Variants in MOB3B observed in about 807,000 individuals in gnomAD.
MOB3B encodes MOB kinase activator-like 2B.
Under a neutral mutation model 18.7 loss-of-function variants are expected in MOB3B, and 7 were observed. That is an observed-to-expected ratio of 0.37 (90% CI 0.21 to 0.70). The LOEUF (loss-of-function observed/expected upper bound fraction) is 0.70, where lower values mean the gene tolerates loss of function less well. Among genes scored for constraint, MOB3B ranks in the 30% least tolerant of loss-of-function variants. MOB3B has a pLI of 0.52. For missense variants in MOB3B, 253 were observed against 281.3 expected (o/e 0.90, Z 0.72); for synonymous variants, 111 against 99.9 (o/e 1.11, Z -0.66).
intron 1 of MOB3B, among the ~76,000 whole-genome samples, chr9:27,460,775 C>T (rs1003678204): frequency 2.6e-5 from 4 of 152,194 alleles, no homozygotes; most frequent in East Asian, 1.9e-4. Flanking sequence ...AGAAACACCC[C>T]GCATGAAGGA....
chr9:27,526,524 T>G (rs920350501), intron 1 of MOB3B: 2 of 152,238 alleles, frequency 1.3e-5, no homozygotes, highest in African/African-American at 4.8e-5. Context: ...GTCAATTACT[T>G]TAGTCATTTA....
chr9:27,515,819 C>T (rs548119326), intron 1 of MOB3B, among the ~76,000 whole-genome samples: 23 of 152,288 alleles, frequency 1.5e-4, no homozygotes, highest in African/African-American at 4.1e-4. Context: ...TATCCCCTGT[C>T]GTGGATTGAA....
intron 3 of MOB3B, among the ~76,000 whole-genome samples, chr9:27,354,928 T>C (rs1054143528): frequency 6.6e-6 from 1 of 152,218 alleles, no homozygotes; most frequent in Non-Finnish European, 1.5e-5. Flanking sequence ...ATTGTCTCAC[T>C]TAGCTAACAT....
rs138317534 is a variant in MOB3B, at chr9:27,493,374, C to T, written c.-199+36181G>A. On this transcript the variant is annotated intron_variant, in intron 1 of 3. Transcript: ENST00000262244. ...AAAGATTTCAGGCTGGTCGTGGTGG[C>T]TCACACCTGTAATCCCAGCACTTTG... 6.6e-5 allele frequency among the ~76,000 whole-genome samples: 10 copies of T among 152,300 alleles called. No individual in the cohort carries two copies. The East Asian group carries it at 1.9e-3, about 29-fold the overall frequency.
rs993603142 is a variant in MOB3B, at chr9:27,328,094, G to A, written c.*2493C>T. On this transcript the variant is annotated 3_prime_UTR_variant, in exon 4 of 4. Transcript: ENST00000262244. ...AAAAAAAGGAAGAAAAGAAAACAAG[G>A]CAAAACATTAACAACTGATGCACTA... 6.6e-6 allele frequency: 1 copy of A among 151,206 alleles called. No homozygotes were observed. The highest frequency in any genetic ancestry group is 1.5e-5 in the Non-Finnish European group (1 of 67,832). 9.4% of individuals were successfully genotyped at this position (151,206 alleles called of 1,614,324 possible). A position where few individuals can be genotyped will look rare whatever the true frequency, so the allele number is the denominator to read the frequency against.
In MOB3B at chr9:27,470,114, G is replaced by GAAAAAAAAAA. The variant is rs751414011; in HGVS notation, c.-198-14376_-198-14367dup. Among the ~76,000 whole-genome samples, 50 of 125,386 alleles carry GAAAAAAAAAA rather than the reference G, an allele frequency of 4.0e-4. 1 individual carries two copies. Among genetic ancestry groups the GAAAAAAAAAA allele is most frequent in the Non-Finnish European group, 6.1e-4 (38 of 62,082 alleles). The allele number at this position is 125,386 out of a possible 152,430, so 82.3% of individuals were successfully genotyped here. ...CAGAGTGAGACCCTGTCTCTTAAAA[G>GAAAAAAAAAA]AAAAAAAAAAAAAAGAAAAGAAAAC... On this transcript the variant is annotated intron_variant, in intron 1 of 3. Transcript: ENST00000262244.
At chr9:27,347,344 C>T (rs981600668) in intron 3 of MOB3B, among the ~76,000 whole-genome samples, 5 of 152,190 alleles carry the variant, frequency 3.3e-5, no homozygotes, top group Non-Finnish European at 7.4e-5. Context: ...AAAAGTAAGA[C>T]CTTTCATATG....
intron 3 of MOB3B, among the ~76,000 whole-genome samples, chr9:27,344,179 G>C (rs998074090): frequency 1.3e-5 from 2 of 151,922 alleles, no homozygotes; most frequent in African/African-American, 4.8e-5. Flanking sequence ...TTACACATAA[G>C]GCCATTAGTG....
intron 2 of MOB3B, among the ~76,000 whole-genome samples, chr9:27,428,220 G>A (rs1822366363): frequency 6.6e-6 from 1 of 152,142 alleles, no homozygotes; most frequent in African/African-American, 2.4e-5. Context: ...TGATCAAGGA[G>A]CTCATGATCT....
At chr9:27,412,302 T>C (rs1822081716) in intron 2 of MOB3B, among the ~76,000 whole-genome samples, 1 of 149,952 alleles carries the variant, frequency 6.7e-6, no homozygotes, top group Admixed American at 6.8e-5. Context: ...GCCTTTCCTT[T>C]CCTGGAGATT....
At chr9:27,332,375 G>A (rs1186587538) in intron 3 of MOB3B, among the ~76,000 whole-genome samples, 1 of 152,254 alleles carries the variant, frequency 6.6e-6, no homozygotes, top group Non-Finnish European at 1.5e-5. Context: ...GAGAGAGACA[G>A]AAAGAGAAGT....
At chr9:27,369,733 T>C (rs949943350) in intron 2 of MOB3B, among the ~76,000 whole-genome samples, 5 of 152,226 alleles carry the variant, frequency 3.3e-5, no homozygotes, top group Non-Finnish European at 7.3e-5. Context: ...CGTTGCTACA[T>C]ACTGGAGGGT....
In MOB3B at chr9:27,343,122, C is replaced by T. The variant is rs1046593200; in HGVS notation, c.622-12506G>A. 3.9e-5 allele frequency among the ~76,000 whole-genome samples: 6 copies of T among 151,942 alleles called. No individual in the cohort carries two copies. In the South Asian group the frequency reaches 1.2e-3, roughly 32 times the overall value. On this transcript the variant is annotated intron_variant, in intron 3 of 3. Coordinates refer to ENST00000262244, the MANE Select transcript of MOB3B (RefSeq NM_024761.5). ...TAGACATGGGAGACTCCATTTTGTT[C>T]TGTACTAAGAAAAAGTCTTCTGCCT... is the stretch of plus-strand genomic sequence containing the variant.
At chr9:27,456,584 G>A (rs1822873949) in intron 1 of MOB3B, among the ~76,000 whole-genome samples, 1 of 152,222 alleles carries the variant, frequency 6.6e-6, no homozygotes, top group South Asian at 2.1e-4. Flanking sequence ...AAGCCTTACT[G>A]TATTTCAGCT....
intron 3 of MOB3B, among the ~76,000 whole-genome samples, chr9:27,336,991 C>T (rs2131334747): frequency 6.6e-6 from 1 of 152,332 alleles, no homozygotes; most frequent in East Asian, 1.9e-4. Flanking sequence ...CCTCCCTGCC[C>T]ATTAATCAGC....
intron 2 of MOB3B, among the ~76,000 whole-genome samples, chr9:27,438,606 G>C (rs1320459255): frequency 6.6e-6 from 1 of 152,168 alleles, no homozygotes; most frequent in Non-Finnish European, 1.5e-5. Flanking sequence ...TGAAAAACCT[G>C]AGCTCCAGTT....
chr9:27,411,605 T>G (rs538496981), intron 2 of MOB3B, among the ~76,000 whole-genome samples: 69 of 152,156 alleles, frequency 4.5e-4, no homozygotes, highest in South Asian at 8.3e-4. Flanking sequence ...CTAAATGAAC[T>G]GACAGAAGAA....
rs1342114724 is a variant in MOB3B at position 27,483,099 on chromosome 9, A to AAG, written c.-198-27353_-198-27352dup. 2.0e-5 allele frequency among the ~76,000 whole-genome samples: 3 copies of AAG among 151,764 alleles called. No individual in the cohort carries two copies. The South Asian group carries it at 6.2e-4, about 32-fold the overall frequency. ...TAAACATGACAATTACCAAATGTTT[A>AAG]AGTAAATGTCTACAAATATACGGTA... On this transcript the variant is annotated intron_variant, in intron 1 of 3. Coordinates refer to ENST00000262244, the MANE Select transcript of MOB3B (RefSeq NM_024761.5).
intron 2 of MOB3B, chr9:27,397,368 A>T (rs537654170): frequency 8.5e-5 from 13 of 152,312 alleles, no homozygotes; most frequent in Admixed American, 2.0e-4. Flanking sequence ...AAGGCTTTTC[A>T]TCTATTGAAC....
Sources: allele counts gnomAD v4.1 joint callset (sites outside exome capture counted in the v4.1 genomes callset), GRCh38; gene constraint gnomAD v4.1.1; transcripts MANE v1.5; gene names NCBI Gene and HGNC (gene_info 2026-07-23, HGNC 2026-07-21).